The following RASAL2 variants were observed in gnomAD, a reference collection of about 807,000 sequenced individuals.
RASAL2 encodes ras GTPase-activating protein nGAP.
RASAL2 carries 58 observed loss-of-function variants against 128.9 expected under a neutral mutation model. That is an observed-to-expected ratio of 0.45 (90% CI 0.36 to 0.56). The LOEUF (loss-of-function observed/expected upper bound fraction) is 0.56, where lower values mean the gene tolerates loss of function less well. Ranked by LOEUF, RASAL2 falls within the 20% of genes least tolerant of loss-of-function variation. The probability of loss-of-function intolerance (pLI) is 0.00; values close to 1 mark genes in which losing one functional copy is unlikely to be tolerated. For synonymous variants in RASAL2, 561 were observed against 580.8 expected (o/e 0.97, Z 0.49); for missense variants, 1,360 against 1,601.6 (o/e 0.85, Z 2.57).
At position 178,473,435 on chromosome 1, in the gene RASAL2, C is replaced by T; in HGVS notation, c.*196C>T. On this transcript the variant is annotated 3_prime_UTR_variant, in exon 18 of 18. Transcript: ENST00000367649. ...TTCCAAGGTCAATGCTTTTCCCCCA[C>T]ATCTCTATGTACATAGGGAACTTAG... is the stretch of plus-strand genomic sequence containing the variant. 1.6e-6 allele frequency: 1 copy of T among 633,682 alleles called. No homozygotes were observed. Among genetic ancestry groups the T allele is most frequent in the Non-Finnish European group, 2.7e-6 (1 of 368,794 alleles). 39.3% of individuals were successfully genotyped at this position (633,682 alleles called of 1,614,324 possible).
chr1:178,313,989 T>C (rs1249375657), intron 3 of RASAL2, among the ~76,000 whole-genome samples: 1 of 152,200 alleles, frequency 6.6e-6, no homozygotes, highest in Non-Finnish European at 1.5e-5. Flanking sequence ...TTTTCTTCTC[T>C]TTGTCTCTTT....
chr1:178,473,109 C>G lies in RASAL2; in HGVS notation c.3713C>G (p.Thr1238Ser). 1.9e-6 allele frequency: 3 copies of G among 1,614,162 alleles called. No homozygotes were observed. Among genetic ancestry groups the G allele is most frequent in the East Asian group, 2.2e-5 (1 of 44,872 alleles). Residue 1238 changes from threonine (T) to serine (S), a missense_variant, in exon 18 of 18, where the codon ACC becomes AGC. Transcript: ENST00000367649. Reference protein sequence around the residue: ...KRIVSLDSANTRLMSALTQVK... With the variant: ...KRIVSLDSANSRLMSALTQVK... ...ATCGTGTCCCTGGATTCAGCCAACA[C>G]CAGACTGATGAGCGCGCTGACCCAA...
intron 1 of RASAL2, among the ~76,000 whole-genome samples, chr1:178,158,205 G>A (rs1485022702): frequency 6.6e-6 from 1 of 152,188 alleles, no homozygotes; most frequent in East Asian, 1.9e-4. Context: ...TGAGTTTGCA[G>A]CCTTGCTTTA....
intron 15 of RASAL2, 52 bp downstream of exon 15, chr1:178,464,464 T>TA: frequency 6.3e-7 from 1 of 1,594,618 alleles, no homozygotes; most frequent in Non-Finnish European, 8.5e-7. Flanking sequence ...GACAGGCCAC[T>TA]AAAAAGGTTA....
At chr1:178,436,389 A>C (rs1388788120) in intron 5 of RASAL2, among the ~76,000 whole-genome samples, 2 of 152,146 alleles carry the variant, frequency 1.3e-5, no homozygotes, top group East Asian at 3.9e-4. Flanking sequence ...GTTTGGAGTT[A>C]TAATTCTAAG....
chr1:178,180,451 C>A (rs1662053314), intron 1 of RASAL2, among the ~76,000 whole-genome samples: 1 of 132,012 alleles, frequency 7.6e-6, no homozygotes, highest in African/African-American at 2.9e-5. Context: ...AATTCAAAAC[C>A]AGCCTGGGCA....
chr1:178,106,092 A>G (rs1419078562), intron 1 of RASAL2, among the ~76,000 whole-genome samples: 1 of 152,230 alleles, frequency 6.6e-6, no homozygotes, highest in African/African-American at 2.4e-5. Context: ...GAGTTAATCT[A>G]TAACTCTGTT....
chr1:178,277,257 A>C (rs1264531298), intron 1 of RASAL2, among the ~76,000 whole-genome samples: 1 of 152,050 alleles, frequency 6.6e-6, no homozygotes, highest in Admixed American at 6.6e-5. Flanking sequence ...GAAAAGAAAA[A>C]ATGCAATCCT....
intron 1 of RASAL2, among the ~76,000 whole-genome samples, chr1:178,139,432 A>G (rs1379041786): frequency 1.3e-5 from 2 of 152,036 alleles, no homozygotes; most frequent in South Asian, 2.1e-4. Context: ...TTATTGATGT[A>G]TATACTGTTT....
intron 1 of RASAL2, among the ~76,000 whole-genome samples, chr1:178,161,786 C>T (rs889819435): frequency 4.5e-4 from 68 of 151,942 alleles, no homozygotes; most frequent in African/African-American, 1.6e-3. Flanking sequence ...TTATAGCCTT[C>T]CTAGTGGGTG....
rs753896668 is a variant in RASAL2, at chr1:178,443,238, A to G, written c.1482+9A>G. The G allele has an allele frequency of 3.2e-5, 50 of 1,586,124 alleles. No homozygotes were observed. The Admixed American group carries it at 7.6e-4, about 24-fold the overall frequency. ...GTACTGGCAGAGCCAAGGTAAGTGG[A>G]AAAGGGGGATTGCAGTACCTGAAGT... On this transcript the variant is annotated intron_variant, in intron 8 of 17. Coordinates refer to ENST00000367649, the MANE Select transcript of RASAL2 (RefSeq NM_170692.4).
At chr1:178,408,131 A>G (rs1557965049) in intron 4 of RASAL2, among the ~76,000 whole-genome samples, 1 of 152,248 alleles carries the variant, frequency 6.6e-6, no homozygotes, top group African/African-American at 2.4e-5. Context: ...TTTTAAAAAA[A>G]TAATGAGCTT....
chr1:178,199,511 TA>T (rs1360651018), intron 1 of RASAL2, among the ~76,000 whole-genome samples: 1 of 152,162 alleles, frequency 6.6e-6, no homozygotes, highest in Non-Finnish European at 1.5e-5. Flanking sequence ...ACATTGTTCA[TA>T]AAACCAAAAA....
chr1:178,406,327 C>G (rs975395125), intron 4 of RASAL2, among the ~76,000 whole-genome samples: 4 of 152,144 alleles, frequency 2.6e-5, no homozygotes, highest in African/African-American at 7.2e-5. Context: ...TGAAGAAAGA[C>G]TACATACTGC....
chr1:178,364,095 CAAA>C (rs1331381002), intron 3 of RASAL2, among the ~76,000 whole-genome samples: 10 of 108,200 alleles, frequency 9.2e-5, no homozygotes, highest in African/African-American at 3.3e-5. Context: ...GACTCCATCT[CAAA>C]AAAAAAAAAA....
chr1:178,359,821 G>A (rs978414972), intron 3 of RASAL2, among the ~76,000 whole-genome samples: 4 of 152,038 alleles, frequency 2.6e-5, no homozygotes, highest in African/African-American at 4.8e-5. Flanking sequence ...GTCTTACAGC[G>A]GCCTCTGTTG....
At chr1:178,236,383 C>G (rs1345307495) in intron 1 of RASAL2, among the ~76,000 whole-genome samples, 1 of 138,704 alleles carries the variant, frequency 7.2e-6, no homozygotes, top group South Asian at 2.3e-4. Flanking sequence ...CACTTGGTTT[C>G]CAAAAATCAG....
chr1:178,270,170 CTG>C (rs1370224061), intron 1 of RASAL2, among the ~76,000 whole-genome samples: 1 of 152,022 alleles, frequency 6.6e-6, no homozygotes, highest in Non-Finnish European at 1.5e-5. Context: ...TTATACATAA[CTG>C]TTTTTTTTCT....
rs770687812 is a variant in RASAL2 at position 178,456,722 on chromosome 1, C to T, written c.2213C>T (p.Ala738Val). Residue 738 changes from alanine to valine, a missense_variant and splice_region_variant, in exon 13 of 18, where the codon GCG (alanine) becomes GTG (valine). Ala to Val is a moderately conservative substitution (Grantham distance 64). Transcript: ENST00000367649. Reference sequence around the variant, plus strand: ...TAGGGTGAAAATTCCTTCCTACAGGCGACCGTGGCAAAATTGGGGCCTCTC... The same window carrying T: ...TAGGGTGAAAATTCCTTCCTACAGGTGACCGTGGCAAAATTGGGGCCTCTC... ...LWEVVSQLDK[A>V]TVAKLGPLPR... 2.6e-5 allele frequency: 42 copies of T among 1,613,942 alleles called. No homozygotes were observed. Among genetic ancestry groups the T allele is most frequent in the Non-Finnish European group, 3.2e-5 (38 of 1,179,998 alleles).
Sources: allele counts gnomAD v4.1 joint callset (sites outside exome capture counted in the v4.1 genomes callset), GRCh38; gene constraint gnomAD v4.1.1; transcripts MANE v1.5; gene names NCBI Gene and HGNC (gene_info 2026-07-23, HGNC 2026-07-21).